XPO4: variants seen among roughly 807,000 people sequenced by gnomAD.
XPO4 encodes exportin 4.
Under a neutral mutation model 143.0 loss-of-function variants are expected in XPO4, and 39 were observed. The observed-to-expected ratio is 0.27, with a 90% CI of 0.21 to 0.36. The LOEUF (loss-of-function observed/expected upper bound fraction) is 0.36, where lower values mean the gene tolerates loss of function less well. XPO4 is among the 10% of genes least tolerant of loss of function. The pLI is 1.00. For missense variants in XPO4, 907 were observed against 1,348.0 expected (o/e 0.67, Z 5.12); for synonymous variants, 439 against 474.0 (o/e 0.93, Z 0.96).
chr13:20,876,262 C>T (rs2060351775), intron 1 of XPO4, among the ~76,000 whole-genome samples: 1 of 108,020 alleles, frequency 9.3e-6, no homozygotes, highest in African/African-American at 3.9e-5. Flanking sequence ...AACTCCATCT[C>T]GGAAAAAAAA....
At chr13:20,794,513 A>C (rs2059330482) in intron 18 of XPO4, among the ~76,000 whole-genome samples, 1 of 152,166 alleles carries the variant, frequency 6.6e-6, no homozygotes, top group Non-Finnish European at 1.5e-5. Context: ...TTCCTGACAC[A>C]CCTGGAAAAT....
chr13:20,811,198 G>A (rs565563767), intron 9 of XPO4, among the ~76,000 whole-genome samples: 2 of 152,126 alleles, frequency 1.3e-5, no homozygotes, highest in African/African-American at 4.8e-5. Flanking sequence ...CAGATCAAAG[G>A]CCTTGACAGG....
chr13:20,840,686 A>G (rs1183203222), intron 6 of XPO4, among the ~76,000 whole-genome samples: 1 of 152,202 alleles, frequency 6.6e-6, no homozygotes, highest in Non-Finnish European at 1.5e-5. Flanking sequence ...GAGTTCCTTG[A>G]AATTGATTTC....
chr13:20,800,233 G>A lies in XPO4; in HGVS notation c.2070C>T (p.Leu690=). 1 of 1,614,164 alleles carries A rather than the reference G, an allele frequency of 6.2e-7. No individual in the cohort carries two copies. Among genetic ancestry groups the A allele is most frequent in the Non-Finnish European group, 8.5e-7 (1 of 1,180,028 alleles). The change falls in exon 15 of 23, where the codon CTC becomes CTT. Residue 690 remains leucine (L), a synonymous_variant. Transcript: ENST00000255305. ...GGTCCTGCTCACTACTCCAGACTGA[G>A]AGGTTACTGATGACTTTTTGTAAGA... ...GYLLQKVISN[L]SVWSSEQDLA...
Position 20,782,474 on chromosome 13 carries a change from T to C in XPO4, c.*1248A>G, listed in dbSNP as rs1332990794. 1 of 152,642 alleles carries C rather than the reference T, an allele frequency of 6.6e-6. No homozygotes were observed. Among genetic ancestry groups the C allele is most frequent in the Non-Finnish European group, 1.5e-5 (1 of 68,034 alleles). The allele number at this position is 152,642 out of a possible 1,614,324, so 9.5% of individuals were successfully genotyped here. On this transcript the variant is annotated 3_prime_UTR_variant, in exon 23 of 23. Coordinates refer to ENST00000255305, the MANE Select transcript of XPO4 (RefSeq NM_022459.5). ...ATCAAACTAGAGGATCTAAAGTGAA[T>C]TTTTAATCTCTGAAATTAAATTCAC... is the stretch of plus-strand genomic sequence containing the variant.
intron 1 of XPO4, among the ~76,000 whole-genome samples, chr13:20,881,318 G>C (rs558373241): frequency 1.5e-4 from 23 of 152,166 alleles, no homozygotes; most frequent in Non-Finnish European, 2.8e-4. Context: ...GCCCAGGCTG[G>C]AGTGCAGTGG....
chr13:20,804,951 G>A (rs1389980505), intron 13 of XPO4, among the ~76,000 whole-genome samples: 1 of 145,566 alleles, frequency 6.9e-6, no homozygotes, highest in Non-Finnish European at 1.5e-5. Context: ...TTTGCATTTT[G>A]TTTTTTTTTT....
chr13:20,806,330 A>G (rs958836134), intron 13 of XPO4, among the ~76,000 whole-genome samples: 13 of 152,248 alleles, frequency 8.5e-5, no homozygotes, highest in South Asian at 8.3e-4. Context: ...AAAAAGCCAC[A>G]TTTTCTATTG....
At chr13:20,884,563 C>G (rs746497409) in intron 1 of XPO4, among the ~76,000 whole-genome samples, 1 of 152,074 alleles carries the variant, frequency 6.6e-6, no homozygotes, top group Non-Finnish European at 1.5e-5. Flanking sequence ...GCACATGACA[C>G]CACACCTGGC....
intron 6 of XPO4, among the ~76,000 whole-genome samples, chr13:20,828,645 G>A (rs986586644): frequency 1.3e-5 from 2 of 152,020 alleles, no homozygotes; most frequent in Admixed American, 6.6e-5. Context: ...AACTCTATTC[G>A]ACTGATTAAC....
chr13:20,862,585 C>T lies in XPO4; in HGVS notation c.317+132G>A, dbSNP rs1201465130. 4 of 1,151,524 alleles carry T rather than the reference C, an allele frequency of 3.5e-6. No homozygotes were observed. In the African/African-American group the frequency reaches 4.7e-5, roughly 13 times the overall value. The allele number at this position is 1,151,524 out of a possible 1,614,324, so 71.3% of individuals were successfully genotyped here. Reference sequence around the variant, plus strand: ...TCAAGGAGATCCTCCCTCTCAGCCTCCCAAAGTGGAGATTATAGGTGTGAG... The same window carrying T: ...TCAAGGAGATCCTCCCTCTCAGCCTTCCAAAGTGGAGATTATAGGTGTGAG... On this transcript the variant is annotated intron_variant, in intron 3 of 22. Transcript: ENST00000255305.
At position 20,800,909 on chromosome 13, in the gene XPO4, C is replaced by T; in HGVS notation, c.1899G>A (p.Gln633=). Residue 633 remains glutamine (Q), a synonymous_variant, in exon 14 of 23, where the codon CAG becomes CAA. Transcript: ENST00000255305. The part of the protein sequence containing the change: ...RADLTHLLSP[Q]MGKDIVWFLK... ...AAAACCAAACAATATCTTTGCCCAT[C>T]TGGGGACTTAGTAGATGAGTGAGAT... The T allele has an allele frequency of 1.2e-6, 2 of 1,614,054 alleles. No individual in the cohort carries two copies. The highest frequency in any genetic ancestry group is 1.7e-6 in the Non-Finnish European group (2 of 1,179,980).
At chr13:20,807,689 T>C in intron 12 of XPO4, 55 bp from the exon 13 acceptor site, 2 of 1,337,634 alleles carry the variant, frequency 1.5e-6, no homozygotes, top group Non-Finnish European at 1.0e-6. Flanking sequence ...ATTTATCAAA[T>C]TGTACTATAA....
chr13:20,798,563 C>T (rs192660388), intron 16 of XPO4, among the ~76,000 whole-genome samples: 3 of 152,268 alleles, frequency 2.0e-5, no homozygotes, highest in African/African-American at 7.2e-5. Context: ...TTTAATAAGC[C>T]AGTCCATGCT....
intron 1 of XPO4, among the ~76,000 whole-genome samples, chr13:20,898,526 T>C (rs1307463378): frequency 1.3e-5 from 2 of 152,018 alleles, no homozygotes; most frequent in Non-Finnish European, 2.9e-5. Flanking sequence ...GATTGTGCCA[T>C]TGCACTCCAG....
intron 1 of XPO4, among the ~76,000 whole-genome samples, chr13:20,871,996 C>T (rs947852617): frequency 2.6e-5 from 4 of 152,182 alleles, no homozygotes; most frequent in Non-Finnish European, 4.4e-5. Context: ...AGTTTTTCTA[C>T]AACCAGAATT....
At chr13:20,813,007 C>T (rs770262565) in intron 9 of XPO4, among the ~76,000 whole-genome samples, 5 of 152,054 alleles carry the variant, frequency 3.3e-5, no homozygotes, top group African/African-American at 4.8e-5. Context: ...CTCACAGTTC[C>T]GCAGGCTTAA....
chr13:20,807,486 T>A lies in XPO4; in HGVS notation c.1788A>T (p.Pro596=). ...TCACAGAATCTGTTCTGTTGTACCC[T>A]GGGATGGAAGAAGCCTTTTCTCCTG... is the stretch of plus-strand genomic sequence containing the variant. The part of the protein sequence containing the change: ...GSPGEKASSI[P]GYNRTDSVIR... Residue 596 remains proline, a synonymous_variant, in exon 13 of 23, where the codon CCA becomes CCT. Transcript: ENST00000255305. The A allele has an allele frequency of 1.2e-6, 2 of 1,613,702 alleles. No individual in the cohort carries two copies. The highest frequency in any genetic ancestry group is 1.7e-6 in the Non-Finnish European group (2 of 1,179,834).
chr13:20,868,660 T>C lies in XPO4; in HGVS notation c.111A>G (p.Ala37=). ...SMVNNEQRQH[A]EHIFLSFRKS... ...TCCTAAATGATAAGAATATGTGCTC[T>C]GCATGCTGGCGTTGTTCATTATTGA... The change falls in exon 2 of 23, where the codon GCA becomes GCG. Residue 37 remains alanine (A), a synonymous_variant. Transcript: ENST00000255305. 2 of 1,613,346 alleles carry C rather than the reference T, an allele frequency of 1.2e-6. No homozygotes were observed. Among genetic ancestry groups the C allele is most frequent in the Non-Finnish European group, 1.7e-6 (2 of 1,179,596 alleles).
Sources: allele counts gnomAD v4.1 joint callset (sites outside exome capture counted in the v4.1 genomes callset), GRCh38; gene constraint gnomAD v4.1.1; transcripts MANE v1.5; gene names NCBI Gene and HGNC (gene_info 2026-07-23, HGNC 2026-07-21).